Variants in CSMD1 observed in about 807,000 individuals in gnomAD.
The protein encoded by CSMD1 is CUB and sushi domain-containing protein 1.
A neutral mutation model predicts 417.5 loss-of-function variants in CSMD1; 213 were observed. That is an observed-to-expected ratio of 0.51 (90% CI 0.46 to 0.57). The LOEUF (loss-of-function observed/expected upper bound fraction) is 0.57, where lower values mean the gene tolerates loss of function less well. Among genes scored for constraint, CSMD1 ranks in the 20% least tolerant of loss-of-function variants. The pLI is 0.00. For synonymous variants in CSMD1, 2,862 were observed against 1,736.8 expected (o/e 1.65, Z -16.11); for missense variants, 6,923 against 4,529.7 (o/e 1.53, Z -15.17).
chr8:3,437,733 T>C (rs59086070), intron 12 of CSMD1, among the ~76,000 whole-genome samples: 2,760 of 148,574 alleles, frequency 0.019, 65 homozygotes, highest in African/African-American at 0.063. Context: ...CCACTATAGA[T>C]GCAGCTAATT....
chr8:3,504,507 C>G (rs1041634946), intron 10 of CSMD1, among the ~76,000 whole-genome samples: 2 of 152,164 alleles, frequency 1.3e-5, no homozygotes, highest in Non-Finnish European at 2.9e-5. Flanking sequence ...ATCCTCATGG[C>G]AACCCTTCAT....
chr8:3,487,125 C>T (rs528589759), intron 11 of CSMD1, among the ~76,000 whole-genome samples: 206 of 152,298 alleles, frequency 1.4e-3, no homozygotes, highest in African/African-American at 4.8e-3. Flanking sequence ...TAGCATTATA[C>T]AGAAATGACT....
At chr8:4,705,652 C>T (rs1244529887) in intron 1 of CSMD1, among the ~76,000 whole-genome samples, 1 of 152,210 alleles carries the variant, frequency 6.6e-6, no homozygotes, top group East Asian at 1.9e-4. Context: ...GCTCTTCTTT[C>T]CGGCCCTTGT....
intron 5 of CSMD1, among the ~76,000 whole-genome samples, chr8:3,975,861 A>AC (rs1165797495): frequency 6.6e-6 from 1 of 152,120 alleles, no homozygotes; most frequent in Non-Finnish European, 1.5e-5. Flanking sequence ...GTTGTCCTTC[A>AC]TTTTTCCACA....
intron 1 of CSMD1, among the ~76,000 whole-genome samples, chr8:4,699,674 T>C (rs185781712): frequency 1.3e-5 from 2 of 152,314 alleles, no homozygotes; most frequent in African/African-American, 4.8e-5. Context: ...AACAATGTCA[T>C]CATCCGTACA....
chr8:4,055,234 T>C (rs1008573353), intron 3 of CSMD1, among the ~76,000 whole-genome samples: 5 of 152,302 alleles, frequency 3.3e-5, no homozygotes, highest in Admixed American at 2.0e-4. Context: ...TTTGAGACAA[T>C]AGGATTACTT....
At chr8:4,416,919 G>C (rs923502894) in intron 3 of CSMD1, among the ~76,000 whole-genome samples, 1 of 152,000 alleles carries the variant, frequency 6.6e-6, no homozygotes, top group Non-Finnish European at 1.5e-5. Context: ...AATTTTAATA[G>C]TAATCTTATT....
intron 49 of CSMD1, among the ~76,000 whole-genome samples, chr8:3,078,926 G>A (rs570279603): frequency 6.6e-6 from 1 of 152,114 alleles, no homozygotes; most frequent in Non-Finnish European, 1.5e-5. Flanking sequence ...CTGGCAGTAT[G>A]ATAAAGGTTT....
intron 5 of CSMD1, among the ~76,000 whole-genome samples, chr8:3,965,297 G>C (rs1812595814): frequency 6.6e-6 from 1 of 152,244 alleles, no homozygotes; most frequent in Admixed American, 6.5e-5. Context: ...CTCTAAGCAT[G>C]GGTTTCTGAA....
intron 5 of CSMD1, among the ~76,000 whole-genome samples, chr8:3,915,361 G>C (rs1427957917): frequency 7.1e-6 from 1 of 140,384 alleles, no homozygotes; most frequent in African/African-American, 2.7e-5. Context: ...AGCTTAGATA[G>C]TGCCACTGCA....
intron 2 of CSMD1, among the ~76,000 whole-genome samples, chr8:4,547,363 C>T (rs763339914): frequency 2.0e-5 from 3 of 152,162 alleles, no homozygotes; most frequent in Admixed American, 6.5e-5. Flanking sequence ...TTCTAAAACA[C>T]GTATCTGAAA....
At chr8:3,083,264 G>C (rs550349537) in intron 49 of CSMD1, among the ~76,000 whole-genome samples, 1 of 151,906 alleles carries the variant, frequency 6.6e-6, no homozygotes, top group Admixed American at 6.6e-5. Context: ...AATTCTCTAA[G>C]TGTCATATAT....
At chr8:4,026,027 T>G (rs1030362400) in intron 4 of CSMD1, among the ~76,000 whole-genome samples, 1 of 146,370 alleles carries the variant, frequency 6.8e-6, no homozygotes, top group African/African-American at 2.5e-5. Flanking sequence ...AAAAAAAAAC[T>G]CTTCAACCAG....
At chr8:4,217,137 T>A (rs911792427) in intron 3 of CSMD1, among the ~76,000 whole-genome samples, 1 of 152,196 alleles carries the variant, frequency 6.6e-6, no homozygotes, top group African/African-American at 2.4e-5. Context: ...CATAGTACTT[T>A]GTAGAAAAGC....
chr8:4,275,463 C>T (rs565133643), intron 3 of CSMD1, among the ~76,000 whole-genome samples: 33 of 152,110 alleles, frequency 2.2e-4, no homozygotes, highest in East Asian at 3.9e-4. Context: ...TAAAATTTTA[C>T]GTGTAGATCA....
chr8:3,873,196 T>C lies in CSMD1; in HGVS notation c.819-119154A>G, dbSNP rs192320638. ...ACTACCATTCAAGCCAGCAATCCCT[T>C]TACTGGCTATGTAGCCAAAGGAACA... On this transcript the variant is annotated intron_variant, in intron 5 of 69. Transcript: ENST00000635120. Among the ~76,000 whole-genome samples the C allele has an allele frequency of 4.0e-3, 606 of 152,252 alleles. 2 individuals are homozygous for C. Among genetic ancestry groups the C allele is most frequent in the Non-Finnish European group, 6.6e-3 (449 of 68,016 alleles).
chr8:3,463,446 A>G (rs1446053910), intron 12 of CSMD1, among the ~76,000 whole-genome samples: 1 of 152,242 alleles, frequency 6.6e-6, no homozygotes, highest in African/African-American at 2.4e-5. Flanking sequence ...GCATTCCCAC[A>G]ACATGTAAAC....
At chr8:3,894,889 T>C (rs1807250684) in intron 5 of CSMD1, among the ~76,000 whole-genome samples, 2 of 152,298 alleles carry the variant, frequency 1.3e-5, no homozygotes, top group Non-Finnish European at 2.9e-5. Context: ...ATAAATCCTA[T>C]AAAATTACAG....
At chr8:3,904,948 A>G (rs983907057) in intron 5 of CSMD1, among the ~76,000 whole-genome samples, 8 of 151,938 alleles carry the variant, frequency 5.3e-5, no homozygotes, top group African/African-American at 1.9e-4. Context: ...CAAAATACGT[A>G]TTTTCCTTAT....
Sources: gnomAD v4.1 joint callset for allele counts (sites outside exome capture counted in the v4.1 genomes callset) on GRCh38, gnomAD v4.1.1 for gene constraint, MANE v1.5 for transcripts, NCBI Gene and HGNC (gene_info 2026-07-23, HGNC 2026-07-21) for gene names.